The following ERC2 variants were observed in gnomAD, a reference collection of about 807,000 sequenced individuals.
ERC2 encodes the protein ERC protein 2.
Under a neutral mutation model 114.8 loss-of-function variants are expected in ERC2, and 42 were observed. The ratio of observed to expected loss-of-function variants is 0.37; its 90% CI spans 0.29 to 0.47. ERC2 has a LOEUF of 0.47. ERC2 is among the 20% of genes least tolerant of loss of function. The probability of loss-of-function intolerance (pLI) is 0.99; values close to 1 mark genes in which losing one functional copy is unlikely to be tolerated. For synonymous variants in ERC2, 454 were observed against 425.5 expected (o/e 1.07, Z -0.82); for missense variants, 939 against 1,150.7 (o/e 0.82, Z 2.66).
intron 3 of ERC2, among the ~76,000 whole-genome samples, chr3:56,184,557 A>G (rs1215251869): frequency 2.0e-5 from 3 of 152,160 alleles, no homozygotes; most frequent in Admixed American, 2.0e-4. Flanking sequence ...CGCCCCATGG[A>G]AAAGGTGCAG....
chr3:55,714,207 G>A (rs2063946459), intron 15 of ERC2, among the ~76,000 whole-genome samples: 1 of 152,120 alleles, frequency 6.6e-6, no homozygotes, highest in Non-Finnish European at 1.5e-5. Context: ...TTCTTTGGGT[G>A]CTTTCATCCA....
At chr3:56,107,062 A>G (rs2149817639) in intron 6 of ERC2, among the ~76,000 whole-genome samples, 1 of 152,114 alleles carries the variant, frequency 6.6e-6, no homozygotes, top group Non-Finnish European at 1.5e-5. Context: ...ATGGGAGGAT[A>G]TGAACGAGGA....
intron 3 of ERC2, among the ~76,000 whole-genome samples, chr3:56,196,557 G>A (rs1474783673): frequency 6.9e-6 from 1 of 145,720 alleles, no homozygotes; most frequent in Non-Finnish European, 1.5e-5. Flanking sequence ...TTATTGAGAA[G>A]ATATAAGGGA....
chr3:55,789,895 G>T (rs908428070), intron 14 of ERC2, among the ~76,000 whole-genome samples: 1 of 152,172 alleles, frequency 6.6e-6, no homozygotes, highest in Admixed American at 6.5e-5. Context: ...CATTGACACC[G>T]TTGGGAAATG....
At chr3:55,611,566 C>G (rs751167225) in intron 17 of ERC2, among the ~76,000 whole-genome samples, 5 of 152,124 alleles carry the variant, frequency 3.3e-5, no homozygotes, top group Non-Finnish European at 7.3e-5. Context: ...GATGGAGAGG[C>G]CTATTAGGGG....
chr3:55,638,474 A>G (rs7613860), intron 17 of ERC2, among the ~76,000 whole-genome samples: 1,975 of 152,308 alleles, frequency 0.013, 54 homozygotes, highest in African/African-American at 0.045. Flanking sequence ...ACGTCAGTGA[A>G]TTTAGTCCTT....
chr3:56,388,345 A>C (rs1366967542), intron 2 of ERC2, among the ~76,000 whole-genome samples: 1 of 151,902 alleles, frequency 6.6e-6, no homozygotes, highest in Non-Finnish European at 1.5e-5. Flanking sequence ...AATAACCTGG[A>C]ACTTCCTCCT....
chr3:55,646,696 C>T (rs2060413067), intron 17 of ERC2, among the ~76,000 whole-genome samples: 1 of 152,088 alleles, frequency 6.6e-6, no homozygotes. Context: ...AATGTAAGCT[C>T]CATGTAGACA....
intron 17 of ERC2, among the ~76,000 whole-genome samples, chr3:55,626,290 G>A (rs1251078171): frequency 1.3e-5 from 2 of 152,178 alleles, no homozygotes; most frequent in African/African-American, 4.8e-5. Context: ...ACAATCAAAG[G>A]AGGTCAGGCA....
chr3:56,134,846 A>G (rs1290567565), intron 6 of ERC2, among the ~76,000 whole-genome samples: 1 of 152,204 alleles, frequency 6.6e-6, no homozygotes, highest in Admixed American at 6.5e-5. Context: ...GTTGCCTGGC[A>G]GTTTGCAAAC....
intron 2 of ERC2, among the ~76,000 whole-genome samples, chr3:56,378,186 G>T (rs1157311184): frequency 5.3e-5 from 8 of 150,272 alleles, no homozygotes; most frequent in Non-Finnish European, 1.2e-4. Context: ...GTCCAACAAT[G>T]ATAGACTGGA....
chr3:55,895,848 C>G (rs2063818086), intron 13 of ERC2, among the ~76,000 whole-genome samples: 1 of 152,182 alleles, frequency 6.6e-6, no homozygotes, highest in Non-Finnish European at 1.5e-5. Context: ...CCATCCTCAA[C>G]AAATACCCTT....
At chr3:55,943,689 G>A (rs1036259761) in intron 13 of ERC2, among the ~76,000 whole-genome samples, 3 of 152,146 alleles carry the variant, frequency 2.0e-5, no homozygotes, top group Non-Finnish European at 2.9e-5. Context: ...ATCACCCCAC[G>A]AAAGCATTTT....
chr3:56,341,185 A>G (rs956183555), intron 2 of ERC2, among the ~76,000 whole-genome samples: 1 of 152,220 alleles, frequency 6.6e-6, no homozygotes, highest in African/African-American at 2.4e-5. Flanking sequence ...GATGAGATCT[A>G]TTATTGGAGA....
chr3:55,670,657 A>T (rs2061521298), intron 17 of ERC2, among the ~76,000 whole-genome samples: 1 of 152,190 alleles, frequency 6.6e-6, no homozygotes. Flanking sequence ...CATCTTGAAG[A>T]CAGGATCATA....
chr3:55,755,786 T>C (rs1473517652), intron 14 of ERC2, among the ~76,000 whole-genome samples: 2 of 152,174 alleles, frequency 1.3e-5, no homozygotes, highest in Admixed American at 6.5e-5. Context: ...CTCCCTCTTG[T>C]AGGAAACAGC....
chr3:55,745,122 A>G (rs1427384650), intron 14 of ERC2, among the ~76,000 whole-genome samples: 1 of 152,208 alleles, frequency 6.6e-6, no homozygotes, highest in African/African-American at 2.4e-5. Context: ...TTTGACTTTC[A>G]TGAGTTGACA....
At chr3:56,301,825 G>A (rs1006008752) in intron 2 of ERC2, among the ~76,000 whole-genome samples, 7 of 151,934 alleles carry the variant, frequency 4.6e-5, no homozygotes, top group Middle Eastern at 3.4e-3. Flanking sequence ...TCTGTGCCTC[G>A]GTCTCCCCAT....
At chr3:56,259,642 C>T (rs936793332) in intron 3 of ERC2, among the ~76,000 whole-genome samples, 2 of 135,924 alleles carry the variant, frequency 1.5e-5, no homozygotes, top group Non-Finnish European at 3.2e-5. Context: ...AATTCTGGTA[C>T]AGATTTGATA....
Sources: gnomAD v4.1 joint callset for allele counts (sites outside exome capture counted in the v4.1 genomes callset) on GRCh38, gnomAD v4.1.1 for gene constraint, MANE v1.5 for transcripts, NCBI Gene and HGNC (gene_info 2026-07-23, HGNC 2026-07-21) for gene names.